Variants in CNTN5 observed in about 807,000 individuals in gnomAD.
CNTN5 encodes contactin 5.
A neutral mutation model predicts 129.1 loss-of-function variants in CNTN5; 77 were observed. That is an observed-to-expected ratio of 0.60 (90% CI 0.50 to 0.72). The LOEUF (loss-of-function observed/expected upper bound fraction) is 0.72, where lower values mean the gene tolerates loss of function less well. CNTN5 is among the 30% of genes least tolerant of loss of function. CNTN5 has a pLI of 0.00. For missense variants in CNTN5, 1,478 were observed against 1,328.8 expected (o/e 1.11, Z -1.75); for synonymous variants, 509 against 465.6 (o/e 1.09, Z -1.20).
At chr11:99,592,689 G>A (rs2135672262) in intron 3 of CNTN5, among the ~76,000 whole-genome samples, 1 of 152,266 alleles carries the variant, frequency 6.6e-6, no homozygotes, top group Non-Finnish European at 1.5e-5. Context: ...GAGTAACTAA[G>A]GGGAATGTAA....
At chr11:100,041,960 A>T (rs1434776901) in intron 9 of CNTN5, among the ~76,000 whole-genome samples, 1 of 152,186 alleles carries the variant, frequency 6.6e-6, no homozygotes, top group African/African-American at 2.4e-5. Context: ...AAGGAGAGAG[A>T]TCTAAAGCTT....
intron 13 of CNTN5, among the ~76,000 whole-genome samples, chr11:100,158,171 T>G (rs978770336): frequency 1.3e-5 from 2 of 151,736 alleles, no homozygotes; most frequent in Non-Finnish European, 2.9e-5. Flanking sequence ...ACTACAAAGC[T>G]AAAAATGATC....
intron 3 of CNTN5, among the ~76,000 whole-genome samples, chr11:99,707,860 C>T (rs1015758851): frequency 2.6e-5 from 4 of 151,306 alleles, no homozygotes; most frequent in African/African-American, 9.7e-5. Flanking sequence ...TTAAATGTCC[C>T]CCTTTTTGTC....
intron 3 of CNTN5, among the ~76,000 whole-genome samples, chr11:99,803,743 A>AGAG (rs1271491460): frequency 6.6e-6 from 1 of 152,222 alleles, no homozygotes; most frequent in Non-Finnish European, 1.5e-5. Flanking sequence ...GGTGAATCAC[A>AGAG]GAGGGTGGCT....
At chr11:99,380,782 A>AAAG (rs375186004) in intron 2 of CNTN5, among the ~76,000 whole-genome samples, 25,715 of 135,956 alleles carry the variant, frequency 0.19, 3,171 homozygotes, top group Non-Finnish European at 0.28. Flanking sequence ...AAAAAAAAAA[A>AAAG]AAAAGAAAAG....
At position 99,705,552 on chromosome 11, in the gene CNTN5, A is replaced by G. The variant is rs754949381; in HGVS notation, c.56-113992A>G. 2.0e-5 allele frequency among the ~76,000 whole-genome samples: 3 copies of G among 151,520 alleles called. No homozygotes were observed. The East Asian group carries it at 5.8e-4, about 30-fold the overall frequency. ...AGAATCCTGATTCACTTAAGCAAGT[A>G]TTAGGCCTAATTTTTTTACTTTTGT... On this transcript the variant is annotated intron_variant, in intron 3 of 24. Coordinates refer to ENST00000524871, the MANE Select transcript of CNTN5 (RefSeq NM_014361.4).
chr11:99,099,144 A>T (rs1425293224), intron 1 of CNTN5, among the ~76,000 whole-genome samples: 1 of 152,152 alleles, frequency 6.6e-6, no homozygotes, highest in Non-Finnish European at 1.5e-5. Context: ...TTTTCAGTCA[A>T]GAAATTTACC....
At chr11:100,255,359 T>C (rs1950044986) in intron 16 of CNTN5, among the ~76,000 whole-genome samples, 1 of 143,002 alleles carries the variant, frequency 7.0e-6, no homozygotes, top group Admixed American at 6.9e-5. Context: ...TGTAGTATTT[T>C]AGTAAGGATG....
chr11:99,238,106 A>C (rs981987834), intron 1 of CNTN5, among the ~76,000 whole-genome samples: 4 of 152,236 alleles, frequency 2.6e-5, no homozygotes, highest in African/African-American at 9.6e-5. Flanking sequence ...ATAGCAATAT[A>C]TATTAGGGAA....
At chr11:99,540,231 A>T (rs759898277) in intron 2 of CNTN5, among the ~76,000 whole-genome samples, 46 of 152,358 alleles carry the variant, frequency 3.0e-4, no homozygotes, top group Non-Finnish European at 6.0e-4. Flanking sequence ...ACTAATGATA[A>T]CTAAATATGT....
At chr11:99,889,313 TG>T (rs1948986859) in intron 6 of CNTN5, among the ~76,000 whole-genome samples, 8 of 111,230 alleles carry the variant, frequency 7.2e-5, no homozygotes, top group Admixed American at 3.9e-4. Context: ...TGTGTGTGTG[TG>T]TGTGTGTGTG....
At chr11:100,044,496 T>TA (rs1942560875) in intron 9 of CNTN5, among the ~76,000 whole-genome samples, 1 of 151,728 alleles carries the variant, frequency 6.6e-6, no homozygotes, top group Non-Finnish European at 1.5e-5. Context: ...CTAACATCTT[T>TA]TTTTTTTCTT....
At chr11:100,109,861 C>G (rs1427263328) in intron 13 of CNTN5, among the ~76,000 whole-genome samples, 1 of 152,106 alleles carries the variant, frequency 6.6e-6, no homozygotes, top group African/African-American at 2.4e-5. Flanking sequence ...TCACTCATTT[C>G]TACATTCTAG....
At chr11:99,555,395 G>T (rs2135534839) in intron 2 of CNTN5, among the ~76,000 whole-genome samples, 1 of 152,036 alleles carries the variant, frequency 6.6e-6, no homozygotes, top group African/African-American at 2.4e-5. Flanking sequence ...TCAAGTTCTT[G>T]CAGAAAGTTT....
At chr11:99,824,716 G>A (rs897934814) in intron 4 of CNTN5, among the ~76,000 whole-genome samples, 1 of 151,718 alleles carries the variant, frequency 6.6e-6, no homozygotes, top group African/African-American at 2.4e-5. Flanking sequence ...ATATTTAGGT[G>A]TTTAAACCAC....
chr11:99,278,268 A>C (rs1863538410), intron 1 of CNTN5, among the ~76,000 whole-genome samples: 1 of 151,742 alleles, frequency 6.6e-6, no homozygotes, highest in African/African-American at 2.4e-5. Context: ...CACTTGCTGT[A>C]TTTTATTCAC....
At chr11:99,841,797 ATATGTGG>A (rs1017653504) in intron 4 of CNTN5, among the ~76,000 whole-genome samples, 2 of 9,762 alleles carry the variant, frequency 2.0e-4, no homozygotes, top group African/African-American at 3.6e-4. Flanking sequence ...ATATATATAT[ATATGTGG>A]TGTGTGTGTA....
chr11:99,793,172 G>A (rs112297362), intron 3 of CNTN5, among the ~76,000 whole-genome samples: 3 of 151,662 alleles, frequency 2.0e-5, no homozygotes, highest in African/African-American at 7.3e-5. Flanking sequence ...CCATTCTCCT[G>A]CCTCAGCCTC....
Position 100,210,347 on chromosome 11 carries a change from C to CAA in CNTN5, c.1885-14326_1885-14325dup, listed in dbSNP as rs374618789. 7.8e-3 allele frequency among the ~76,000 whole-genome samples: 631 copies of CAA among 80,688 alleles called. 11 individuals carry two copies. Among genetic ancestry groups the CAA allele is most frequent in the African/African-American group, 0.015 (305 of 20,100 alleles). The allele number at this position is 80,688 out of a possible 152,430, so 52.9% of individuals were successfully genotyped here. On this transcript the variant is annotated intron_variant, in intron 15 of 24. Transcript: ENST00000524871. ...CCTGGGTGACAGGGCGAGACTATCT[C>CAA]AAAAAAAAAAAAAAAAAAAAGTCCA...
Sources: allele counts gnomAD v4.1 joint callset (sites outside exome capture counted in the v4.1 genomes callset), GRCh38; gene constraint gnomAD v4.1.1; transcripts MANE v1.5; gene names NCBI Gene and HGNC (gene_info 2026-07-23, HGNC 2026-07-21).